The following PRR27 variants were observed in gnomAD, a reference collection of about 807,000 sequenced individuals.
The protein encoded by PRR27 is proline rich 27.
PRR27 carries 12 observed loss-of-function variants against 16.8 expected under a neutral mutation model. The ratio of observed to expected loss-of-function variants is 0.71; its 90% CI spans 0.46 to 1.16. The LOEUF (loss-of-function observed/expected upper bound fraction) is 1.16. Among genes scored for constraint, PRR27 ranks in the 50% most tolerant of loss-of-function variants. The pLI, the probability that PRR27 is intolerant of heterozygous loss-of-function variation, is 0.00. For synonymous variants in PRR27, 100 were observed against 98.4 expected, an observed-to-expected ratio of 1.02 and a Z score of -0.10; for missense variants, 277 against 273.3, an observed-to-expected ratio of 1.01 and a Z score of -0.10.
intron 1 of PRR27, among the ~76,000 whole-genome samples, chr4:70,155,635 G>A (rs545390590): frequency 1.2e-4 from 18 of 152,198 alleles, no homozygotes; most frequent in African/African-American, 4.1e-4. Context: ...CCAAAGTGCT[G>A]GGATTACAGG....
chr4:70,158,754 C>A lies in PRR27; in HGVS notation c.502C>A (p.Pro168Thr). 6.3e-7 allele frequency: 1 copy of A among 1,579,574 alleles called. No individual in the cohort carries two copies. Among genetic ancestry groups the A allele is most frequent in the Non-Finnish European group, 8.7e-7 (1 of 1,154,278 alleles). The change falls in exon 3 of 5, where the codon CCT (proline) becomes ACT (threonine). Residue 168 changes from proline (P) to threonine (T), a missense_variant. Pro to Thr is a conservative substitution (Grantham distance 38, BLOSUM62 -1). Coordinates refer to ENST00000344526, the MANE Select transcript of PRR27 (RefSeq NM_214711.4). Reference sequence around the variant, plus strand: ...TGCAGAGGCACCTGTTGGAGCTGAGCCTGCTGCAGAGGCACCTGTTGCAGC... The same window carrying A: ...TGCAGAGGCACCTGTTGGAGCTGAGACTGCTGCAGAGGCACCTGTTGCAGC... Reference protein sequence around the residue: ...PAAEAPVGAEPAAEAPVAAEP... With the variant: ...PAAEAPVGAETAAEAPVAAEP...
At chr4:70,159,419 A>T (rs1728585185) in intron 3 of PRR27, among the ~76,000 whole-genome samples, 1 of 152,310 alleles carries the variant, frequency 6.6e-6, no homozygotes, top group East Asian at 1.9e-4. Flanking sequence ...TCCAAACTGG[A>T]TGCATTTATT....
chr4:70,161,207 C>CATATATATAT (rs5859213), intron 3 of PRR27, among the ~76,000 whole-genome samples: 10 of 119,572 alleles, frequency 8.4e-5, no homozygotes, highest in Non-Finnish European at 1.2e-4. Flanking sequence ...TACACGTATA[C>CATATATATAT]ATATATATAT....
chr4:70,155,914 AT>A (rs904264434), intron 1 of PRR27, 139 bp from the exon 2 acceptor site: 17 of 584,260 alleles, frequency 2.9e-5, no homozygotes, highest in South Asian at 1.5e-4. Flanking sequence ...ATAAAAAAAA[AT>A]TCATATTAGT....
At position 70,158,780 on chromosome 4, in the gene PRR27, T is replaced by C. The variant is rs762302125; in HGVS notation, c.528T>C (p.Ala176=). 188 of 1,612,302 alleles carry C rather than the reference T, an allele frequency of 1.2e-4. No individual in the cohort carries two copies. Among genetic ancestry groups the C allele is most frequent in the Non-Finnish European group, 1.5e-4 (172 of 1,178,918 alleles). ...AEPAAEAPVA[A]EPAAEAPVGV... The stretch of plus-strand genomic sequence containing the variant: ...CTGCTGCAGAGGCACCTGTTGCAGC[T>C]GAGCCTGCTGCAGAGGCACCTGTTG... Residue 176 remains alanine, a synonymous_variant, in exon 3 of 5, where the codon GCT becomes GCC. Transcript: ENST00000344526.
chr4:70,159,016 T>A, intron 3 of PRR27, 116 bp downstream of exon 3: 1 of 908,928 alleles, frequency 1.1e-6, no homozygotes, highest in Non-Finnish European at 1.7e-6. Flanking sequence ...TGAACAGCTT[T>A]ATTCAGATAC....
chr4:70,163,333 G>A lies in PRR27; in HGVS notation c.*672G>A, dbSNP rs1032837990. ...AGCCTCTTTTTTTTTTTTTTTTTTT[G>A]AGACGAAGTCTCACACTGTTGCACG... is the stretch of plus-strand genomic sequence containing the variant. On this transcript the variant is annotated 3_prime_UTR_variant, in exon 5 of 5. Transcript: ENST00000344526. The A allele has an allele frequency of 2.5e-5, 1 of 39,930 alleles. No homozygotes were observed. The highest frequency in any genetic ancestry group is 7.9e-4 in the East Asian group (1 of 1,260). 2.5% of individuals were successfully genotyped at this position (39,930 alleles called of 1,614,324 possible).
intron 1 of PRR27, 81 bp downstream of exon 1, chr4:70,154,507 G>A (rs1206018706): frequency 2.5e-5 from 28 of 1,128,394 alleles, no homozygotes; most frequent in Non-Finnish European, 3.6e-5. Context: ...TTATGATAAA[G>A]TACTATAGTG....
rs1424216490 is a variant in PRR27 at position 70,162,831 on chromosome 4, T to C, written c.*170T>C. The C allele has an allele frequency of 6.6e-6, 1 of 152,254 alleles. No individual in the cohort carries two copies. Among genetic ancestry groups the C allele is most frequent in the South Asian group, 2.1e-4 (1 of 4,824 alleles). The allele number at this position is 152,254 out of a possible 1,614,324, so 9.4% of individuals were successfully genotyped here. ...AGTTTTTCCTTGGACTTAATTTATA[T>C]TGAAAAAACATTGATAATTAAATAA... On this transcript the variant is annotated 3_prime_UTR_variant, in exon 5 of 5. Coordinates refer to ENST00000344526, the MANE Select transcript of PRR27 (RefSeq NM_214711.4).
intron 3 of PRR27, among the ~76,000 whole-genome samples, chr4:70,160,443 C>CTGTGTGTGTGTGTGTGTGTGTGTG (rs71210150): frequency 6.4e-4 from 44 of 68,696 alleles, no homozygotes; most frequent in African/African-American, 1.9e-3. Flanking sequence ...CTCTCTCTCT[C>CTGTGTGTGTGTGTGTGTGTGTGTG]TGTGTGTGTG....
intron 2 of PRR27, among the ~76,000 whole-genome samples, chr4:70,157,625 TCTC>T (rs1261851215): frequency 3.9e-5 from 6 of 151,910 alleles, no homozygotes; most frequent in Non-Finnish European, 8.8e-5. Context: ...TTCAAGCAAT[TCTC>T]CTGCTTCTGC....
At position 70,160,443 on chromosome 4, in the gene PRR27, C is replaced by CTCTCTCTCTGTGTGTGTGTG. The variant is rs1298386504; in HGVS notation, c.649-1142_649-1141insCTCTCTCTGTGTGTGTGTGT. On this transcript the variant is annotated intron_variant, in intron 3 of 4. Coordinates refer to ENST00000344526, the MANE Select transcript of PRR27 (RefSeq NM_214711.4). ...TCTCTCTCTCTCTCTCTCTCTCTCT[C>CTCTCTCTCTGTGTGTGTGTG]TGTGTGTGTGTGTGTGTGTGTGTGT... is the stretch of plus-strand genomic sequence containing the variant. Among the ~76,000 whole-genome samples, 541 of 68,642 alleles carry CTCTCTCTCTGTGTGTGTGTG rather than the reference C, an allele frequency of 7.9e-3. 12 individuals carry two copies. Among genetic ancestry groups the CTCTCTCTCTGTGTGTGTGTG allele is most frequent in the Admixed American group, 0.012 (52 of 4,338 alleles). The allele number at this position is 68,642 out of a possible 152,430, so 45.0% of individuals were successfully genotyped here.
Position 70,166,035 on chromosome 4 carries a change from A to G in PRR27, c.*3374A>G, listed in dbSNP as rs1728760084. On this transcript the variant is annotated 3_prime_UTR_variant, in exon 5 of 5. Coordinates refer to ENST00000344526, the MANE Select transcript of PRR27 (RefSeq NM_214711.4). Reference sequence around the variant, plus strand: ...TTATGTGGCACTTAATATATAAAAGAGTTTTATGAGTTTTAAAAATGTATA... The same window carrying G: ...TTATGTGGCACTTAATATATAAAAGGGTTTTATGAGTTTTAAAAATGTATA... 1 of 152,098 alleles carries G rather than the reference A, an allele frequency of 6.6e-6. No homozygotes were observed. The highest frequency in any genetic ancestry group is 2.1e-4 in the South Asian group (1 of 4,836). The allele number at this position is 152,098 out of a possible 1,614,324, so 9.4% of individuals were successfully genotyped here.
At position 70,158,551 on chromosome 4, in the gene PRR27, A is replaced by G. The variant is rs116632053; in HGVS notation, c.299A>G (p.Asn100Ser). ...IRGFPLATQLNVPPLPPRGFP... is the reference protein window; with the variant it reads ...IRGFPLATQLSVPPLPPRGFP... ...GGTTTTCCCTTAGCTACTCAGTTGAATGTTCCTCCTCTCCCTCCTAGGGGT... is the reference window on the plus strand; with the variant it reads ...GGTTTTCCCTTAGCTACTCAGTTGAGTGTTCCTCCTCTCCCTCCTAGGGGT... The change falls in exon 3 of 5, where the codon AAT becomes AGT. Residue 100 changes from asparagine to serine, a missense_variant. Transcript: ENST00000344526. 3,335 of 1,614,014 alleles carry G rather than the reference A, an allele frequency of 2.1e-3. 51 individuals carry two copies. In the African/African-American group the frequency reaches 0.039, roughly 19 times the overall value.
intron 1 of PRR27, among the ~76,000 whole-genome samples, chr4:70,155,662 C>A (rs866534582): frequency 1.3e-4 from 19 of 151,468 alleles, no homozygotes; most frequent in African/African-American, 2.4e-5. Context: ...CCATTGCGCC[C>A]GTCGCAAAGG....
At chr4:70,158,944 ATTTGT>A (rs1728567849) in intron 3 of PRR27, 44 bp downstream of exon 3, 4 of 1,188,288 alleles carry the variant, frequency 3.4e-6, no homozygotes, top group Non-Finnish European at 4.7e-6. Context: ...GAGAAATGAG[ATTTGT>A]AGAAGGGGAA....
chr4:70,163,409 G>T lies in PRR27; in HGVS notation c.*748G>T, dbSNP rs988258452. ...GCTCACTGCAACTTCCACCTCCCGG[G>T]TTCAAGTGATTCTCCTGCCTCAGCC... On this transcript the variant is annotated 3_prime_UTR_variant, in exon 5 of 5. Coordinates refer to ENST00000344526, the MANE Select transcript of PRR27 (RefSeq NM_214711.4). The T allele has an allele frequency of 2.6e-5, 4 of 151,736 alleles. No individual in the cohort carries two copies. Among genetic ancestry groups the T allele is most frequent in the African/African-American group, 9.7e-5 (4 of 41,158 alleles). 9.4% of individuals were successfully genotyped at this position (151,736 alleles called of 1,614,324 possible).
rs267600231 is a variant in PRR27, at chr4:70,158,373, C to T, written c.121C>T (p.Pro41Ser). Residue 41 changes from proline to serine, a missense_variant, in exon 3 of 5, where the codon CCT (proline) becomes TCT (serine). Pro to Ser is a moderately conservative substitution (Grantham distance 74, BLOSUM62 -1). Transcript: ENST00000344526. Reference protein sequence around the residue: ...GHPLHPSLNIPYGIRNLPPPL... With the variant: ...GHPLHPSLNISYGIRNLPPPL... ...CCCACTTCATCCATCTCTGAATATT[C>T]CTTATGGCATACGGAATTTACCACC... 6.2e-7 allele frequency: 1 copy of T among 1,613,102 alleles called. No individual in the cohort carries two copies. The highest frequency in any genetic ancestry group is 8.5e-7 in the Non-Finnish European group (1 of 1,179,232).
rs1728771048 is a variant in PRR27, at chr4:70,166,567, A to T, written c.*3906A>T. On this transcript the variant is annotated 3_prime_UTR_variant, in exon 5 of 5. Coordinates refer to ENST00000344526, the MANE Select transcript of PRR27 (RefSeq NM_214711.4). ...CTAACCATTTTGAATACGAATAACCATGGATTCTAATAGCAAACATTATTA... is the reference window on the plus strand; with the variant it reads ...CTAACCATTTTGAATACGAATAACCTTGGATTCTAATAGCAAACATTATTA... 1 of 152,198 alleles carries T rather than the reference A, an allele frequency of 6.6e-6. No individual in the cohort carries two copies. Among genetic ancestry groups the T allele is most frequent in the African/African-American group, 2.4e-5 (1 of 41,564 alleles). The allele number at this position is 152,198 out of a possible 1,614,324, so 9.4% of individuals were successfully genotyped here.
Sources: gnomAD v4.1 joint callset for allele counts (sites outside exome capture counted in the v4.1 genomes callset) on GRCh38, gnomAD v4.1.1 for gene constraint, MANE v1.5 for transcripts, NCBI Gene and HGNC (gene_info 2026-07-23, HGNC 2026-07-21) for gene names.